Variants in C16orf74 observed in about 807,000 individuals in gnomAD.
C16orf74 encodes the protein calcimembrin.
C16orf74 carries 10 observed loss-of-function variants against 6.5 expected under a neutral mutation model. The ratio of observed to expected loss-of-function variants is 1.54; its 90% confidence interval spans 0.95 to 2.61. The LOEUF is 2.61. Among genes scored for constraint, C16orf74 ranks in the 30% most tolerant of loss-of-function variants. The pLI, the probability that C16orf74 is intolerant of heterozygous loss-of-function variation, is 0.00. For synonymous variants in C16orf74, 60 were observed against 42.5 expected, an observed-to-expected ratio of 1.41 and a Z score of -1.60; for missense variants, 141 against 105.9, an observed-to-expected ratio of 1.33 and a Z score of -1.45.
chr16:85,715,748 T>G (rs1465985075), intron 2 of C16orf74, among the ~76,000 whole-genome samples: 1 of 152,150 alleles, frequency 6.6e-6, no homozygotes, highest in Non-Finnish European at 1.5e-5. Flanking sequence ...CATCCAGGAC[T>G]GGCTGCGGAG....
chr16:85,716,141 C>T (rs149735676), intron 2 of C16orf74, among the ~76,000 whole-genome samples: 84 of 152,194 alleles, frequency 5.5e-4, no homozygotes, highest in Middle Eastern at 3.4e-3. Flanking sequence ...CCCACGTTTG[C>T]ATTTTAACGT....
At chr16:85,728,743 A>T (rs2054159093) in intron 2 of C16orf74, among the ~76,000 whole-genome samples, 1 of 152,172 alleles carries the variant, frequency 6.6e-6, no homozygotes, top group Admixed American at 6.5e-5. Flanking sequence ...GACCCAGGAG[A>T]TCTTCCCAGT....
At chr16:85,729,220 T>C (rs1367106839) in intron 2 of C16orf74, among the ~76,000 whole-genome samples, 1 of 152,334 alleles carries the variant, frequency 6.6e-6, no homozygotes, top group South Asian at 2.1e-4. Context: ...CCTCCCTGTC[T>C]GTAGAGTTCA....
At chr16:85,724,557 G>T (rs920315899) in intron 2 of C16orf74, among the ~76,000 whole-genome samples, 6 of 152,188 alleles carry the variant, frequency 3.9e-5, no homozygotes, top group African/African-American at 1.4e-4. Flanking sequence ...GCGGATGAAA[G>T]GAGATGGAGG....
intron 1 of C16orf74, among the ~76,000 whole-genome samples, chr16:85,748,390 G>A (rs898024087): frequency 1.3e-5 from 2 of 151,600 alleles, no homozygotes; most frequent in African/African-American, 2.4e-5. Flanking sequence ...ACGAGGTCAG[G>A]AGTTTGAGGC....
At chr16:85,727,035 C>T (rs2054140996) in intron 2 of C16orf74, among the ~76,000 whole-genome samples, 1 of 152,242 alleles carries the variant, frequency 6.6e-6, no homozygotes, top group Admixed American at 6.5e-5. Context: ...TAAGGTCACT[C>T]CTCACCTCTG....
chr16:85,748,826 G>A (rs1245110336), intron 1 of C16orf74, among the ~76,000 whole-genome samples: 1 of 151,974 alleles, frequency 6.6e-6, no homozygotes, highest in Non-Finnish European at 1.5e-5. Context: ...AGGCATGTCT[G>A]ACCCCACTTC....
chr16:85,714,412 AT>A (rs1453974207), intron 2 of C16orf74, among the ~76,000 whole-genome samples: 24 of 146,894 alleles, frequency 1.6e-4, no homozygotes, highest in East Asian at 9.9e-4. Context: ...TTATTTATTT[AT>A]TTATTTATTT....
At chr16:85,744,785 G>C (rs563102858) in intron 1 of C16orf74, among the ~76,000 whole-genome samples, 9 of 142,492 alleles carry the variant, frequency 6.3e-5, no homozygotes, top group Non-Finnish European at 9.0e-5. Flanking sequence ...AGCCGAGATC[G>C]TGCCACTGCA....
At chr16:85,724,677 G>A (rs1468380740) in intron 2 of C16orf74, among the ~76,000 whole-genome samples, 3 of 152,154 alleles carry the variant, frequency 2.0e-5, no homozygotes, top group Non-Finnish European at 2.9e-5. Flanking sequence ...TGGGGATGAC[G>A]AGGATAATGG....
chr16:85,739,366 C>T (rs471950), intron 1 of C16orf74, among the ~76,000 whole-genome samples: 60,525 of 152,058 alleles, frequency 0.4, 12,437 homozygotes, highest in Middle Eastern at 0.49. Context: ...ACAGCCCACC[C>T]GGTGGATTTT....
chr16:85,726,880 C>T (rs1172241315), intron 2 of C16orf74, among the ~76,000 whole-genome samples: 2 of 152,186 alleles, frequency 1.3e-5, no homozygotes, highest in African/African-American at 4.8e-5. Context: ...AGCCCGTGCC[C>T]ATGAGTTTCT....
intron 2 of C16orf74, among the ~76,000 whole-genome samples, chr16:85,731,105 T>C (rs1598797589): frequency 6.6e-6 from 1 of 152,364 alleles, no homozygotes; most frequent in South Asian, 2.1e-4. Flanking sequence ...CCTGTCTTTA[T>C]GATTCTTCAA....
At chr16:85,750,053 T>C (rs2054419525) in intron 1 of C16orf74, among the ~76,000 whole-genome samples, 1 of 152,302 alleles carries the variant, frequency 6.6e-6, no homozygotes, top group South Asian at 2.1e-4. Flanking sequence ...GGGTGGGGTC[T>C]AGGCAGGAAA....
intron 3 of C16orf74, among the ~76,000 whole-genome samples, chr16:85,709,550 C>T (rs1485599391): frequency 1.3e-5 from 2 of 150,408 alleles, no homozygotes; most frequent in Non-Finnish European, 3.0e-5. Context: ...AGCCTCAGCA[C>T]CCGGCATAGG....
intron 1 of C16orf74, 37 bp downstream of exon 1, chr16:85,750,889 G>A (rs1261291845): frequency 1.3e-5 from 2 of 151,724 alleles, no homozygotes; most frequent in East Asian, 1.9e-4. Context: ...GGGCGTCCCG[G>A]GGAAGGGGCG....
intron 2 of C16orf74, among the ~76,000 whole-genome samples, chr16:85,719,688 G>A (rs2054059811): frequency 6.6e-6 from 1 of 152,150 alleles, no homozygotes; most frequent in Non-Finnish European, 1.5e-5. Context: ...GGGAGACTGG[G>A]AATTGGAAAA....
At chr16:85,724,751 C>T (rs441931) in intron 2 of C16orf74, among the ~76,000 whole-genome samples, 1 of 151,962 alleles carries the variant, frequency 6.6e-6, no homozygotes, top group Admixed American at 6.5e-5. Context: ...CCATATGGTG[C>T]CTAAGGCTGA....
chr16:85,736,542 A>G (rs2054246772), intron 1 of C16orf74, among the ~76,000 whole-genome samples: 1 of 152,136 alleles, frequency 6.6e-6, no homozygotes, highest in South Asian at 2.1e-4. Flanking sequence ...GGGAGATACC[A>G]CCAAGACATA....
Sources: gnomAD v4.1 joint callset for allele counts (sites outside exome capture counted in the v4.1 genomes callset) on GRCh38, gnomAD v4.1.1 for gene constraint, MANE v1.5 for transcripts, NCBI Gene and HGNC (gene_info 2026-07-23, HGNC 2026-07-21) for gene names.